The following XYLB variants were observed in gnomAD, a reference collection of about 807,000 sequenced individuals.
XYLB encodes the protein xylulose kinase.
A neutral mutation model predicts 78.7 loss-of-function variants in XYLB; 62 were observed. That is an observed-to-expected ratio of 0.79 (90% confidence interval 0.64 to 0.97). XYLB has a LOEUF of 0.97. Among genes scored for constraint, XYLB ranks in the 50% least tolerant of loss-of-function variants. XYLB has a pLI of 0.00. For missense variants in XYLB, 687 were observed against 676.8 expected, an observed-to-expected ratio of 1.02 and a Z score of -0.17; for synonymous variants, 245 against 247.4, an observed-to-expected ratio of 0.99 and a Z score of 0.09.
intron 2 of XYLB, among the ~76,000 whole-genome samples, chr3:38,351,158 G>C (rs1474952009): frequency 1.2e-5 from 1 of 86,866 alleles, no homozygotes; most frequent in East Asian, 3.3e-4. Context: ...GACAACAGAG[G>C]GAGAGCCTGT....
intron 13 of XYLB, 148 bp downstream of exon 13, chr3:38,376,380 C>T (rs958530551): frequency 3.1e-6 from 2 of 642,526 alleles, no homozygotes; most frequent in Non-Finnish European, 5.6e-6. Flanking sequence ...TTCCACACAT[C>T]CTACAAGCTG....
chr3:38,433,479 G>C, the XYLB span, among the ~76,000 whole-genome samples: 8 of 152,156 alleles, frequency 5.3e-5, no homozygotes, highest in African/African-American at 1.9e-4. Flanking sequence ...GCATCATCAG[G>C]CTGCAAATTT....
intron 3 of XYLB, among the ~76,000 whole-genome samples, chr3:38,362,038 T>C (rs1706003924): frequency 1.3e-5 from 2 of 152,108 alleles, no homozygotes; most frequent in Admixed American, 1.3e-4. Context: ...CAGTGGAGGC[T>C]GGAATAGGGG....
chr3:38,419,094 C>G (rs1477097823), downstream of XYLB, among the ~76,000 whole-genome samples: 1 of 152,170 alleles, frequency 6.6e-6, no homozygotes, highest in Non-Finnish European at 1.5e-5. Flanking sequence ...CTTTCTGTCT[C>G]TATGGATTTG....
chr3:38,394,405 CTT>C, intron 15 of XYLB, among the ~76,000 whole-genome samples: 1 of 152,254 alleles, frequency 6.6e-6, no homozygotes, highest in South Asian at 2.1e-4. Flanking sequence ...TTATTAAACT[CTT>C]GTTAGTTTTA....
chr3:38,382,391 T>C (rs774457805), intron 15 of XYLB, among the ~76,000 whole-genome samples: 1 of 152,228 alleles, frequency 6.6e-6, no homozygotes, highest in Non-Finnish European at 1.5e-5. Context: ...AGAAGGGGCC[T>C]GTGGGGTGCT....
chr3:38,411,542 G>C (rs1272271576), intron 18 of XYLB, among the ~76,000 whole-genome samples: 3 of 151,368 alleles, frequency 2.0e-5, no homozygotes, highest in Non-Finnish European at 4.4e-5. Flanking sequence ...AAAAAAATCT[G>C]GCAAATTTTT....
intron 18 of XYLB, among the ~76,000 whole-genome samples, chr3:38,403,627 C>T (rs919281409): frequency 3.3e-5 from 5 of 152,170 alleles, no homozygotes; most frequent in African/African-American, 4.8e-5. Context: ...CACACACGCC[C>T]AACAGGCTAC....
intron 18 of XYLB, among the ~76,000 whole-genome samples, chr3:38,402,179 C>T (rs1054797354): frequency 1.3e-5 from 2 of 152,148 alleles, no homozygotes; most frequent in African/African-American, 2.4e-5. Context: ...GCATAGAAAA[C>T]TCCCAACCTT....
intron 14 of XYLB, among the ~76,000 whole-genome samples, chr3:38,377,840 G>GCAA (rs1706942027): frequency 3.9e-5 from 6 of 152,132 alleles, no homozygotes; most frequent in Middle Eastern, 3.4e-3. Flanking sequence ...AGAGTCACAA[G>GCAA]GTCATAGATG....
the XYLB span, chr3:38,452,381 G>A: frequency 6.6e-6 from 1 of 152,078 alleles, no homozygotes; most frequent in Non-Finnish European, 1.5e-5. Context: ...TGGTGACCGG[G>A]GGTAGTTGAC....
At chr3:38,440,749 T>C in the XYLB span, among the ~76,000 whole-genome samples, 2 of 152,234 alleles carry the variant, frequency 1.3e-5, no homozygotes, top group Non-Finnish European at 2.9e-5. Context: ...AGGTTTTAAA[T>C]TTACCCTGGT....
chr3:38,384,491 GGA>G (rs1378702520), intron 15 of XYLB, among the ~76,000 whole-genome samples: 1 of 152,254 alleles, frequency 6.6e-6, no homozygotes, highest in Admixed American at 6.5e-5. Context: ...GATGAAGATG[GGA>G]GAAGCTGAGA....
At chr3:38,417,054 A>T (rs1708818956), downstream of XYLB, among the ~76,000 whole-genome samples, 1 of 152,270 alleles carries the variant, frequency 6.6e-6, no homozygotes, top group Admixed American at 6.5e-5. Context: ...GACAAAAAAT[A>T]CATATAACGA....
chr3:38,443,260 G>T, the XYLB span, among the ~76,000 whole-genome samples: 6 of 152,184 alleles, frequency 3.9e-5, no homozygotes, highest in African/African-American at 7.2e-5. Flanking sequence ...CTCAGTGAGG[G>T]TGATGACATA....
At chr3:38,403,665 G>A (rs1019432010) in intron 18 of XYLB, among the ~76,000 whole-genome samples, 1 of 152,140 alleles carries the variant, frequency 6.6e-6, no homozygotes, top group African/African-American at 2.4e-5. Context: ...AATTCTGGTT[G>A]TAGGAAAGTC....
rs1407098108 is a variant in XYLB, at chr3:38,347,438, G to A, written c.57+513G>A. On this transcript the variant is annotated intron_variant, in intron 1 of 18. Transcript: ENST00000207870. ...CTTGCCGGTAATCCCAGCACTTTGG[G>A]AGGCCGAGGCGAGTGGATCGCTTGA... is the stretch of plus-strand genomic sequence containing the variant. Among the ~76,000 whole-genome samples, 3 of 152,222 alleles carry A rather than the reference G, an allele frequency of 2.0e-5. No individual in the cohort carries two copies. In the East Asian group the frequency reaches 5.8e-4, roughly 29 times the overall value.
At chr3:38,388,676 A>T (rs1707504003) in intron 15 of XYLB, among the ~76,000 whole-genome samples, 1 of 152,184 alleles carries the variant, frequency 6.6e-6, no homozygotes, top group African/African-American at 2.4e-5. Context: ...GAATCTAAAA[A>T]ATGTATTTTT....
At chr3:38,379,776 A>T (rs768238436) in intron 15 of XYLB, among the ~76,000 whole-genome samples, 2 of 152,292 alleles carry the variant, frequency 1.3e-5, no homozygotes, top group South Asian at 4.1e-4. Context: ...TTCAGCTTGG[A>T]CAGGGAAGAG....
Sources: allele counts gnomAD v4.1 joint callset (sites outside exome capture counted in the v4.1 genomes callset), GRCh38; gene constraint gnomAD v4.1.1; transcripts MANE v1.5; gene names NCBI Gene and HGNC (gene_info 2026-07-23, HGNC 2026-07-21).